RNFT2: variants seen among roughly 807,000 people sequenced by gnomAD.
The protein encoded by RNFT2 is E3 ubiquitin-protein ligase RNFT2.
In RNFT2, 36 loss-of-function variants were observed where a neutral mutation model predicts 53.0. The observed-to-expected ratio is 0.68, with a 90% CI of 0.52 to 0.90. The LOEUF is 0.90. Among genes scored for constraint, RNFT2 ranks in the 40% least tolerant of loss-of-function variants. The pLI, the probability that RNFT2 is intolerant of heterozygous loss-of-function variation, is 0.00. For missense variants in RNFT2, 514 were observed against 585.6 expected (o/e 0.88, Z 1.26); for synonymous variants, 260 against 253.2 (o/e 1.03, Z -0.26).
intron 3 of RNFT2, chr12:116,748,807 G>A: frequency 3.4e-6 from 1 of 298,278 alleles, no homozygotes; most frequent in Non-Finnish European, 6.9e-6. Flanking sequence ...TTACTAAAGT[G>A]GGCTCTAGAG....
intron 1 of RNFT2, among the ~76,000 whole-genome samples, chr12:116,739,351 T>C (rs903654653): frequency 2.0e-5 from 3 of 152,180 alleles, no homozygotes; most frequent in African/African-American, 7.2e-5. Context: ...TAAATACTTG[T>C]TGAGCGCCAC....
Position 116,749,963 on chromosome 12 carries a change from C to T in RNFT2, c.206C>T (p.Thr69Ile). ...TCGGGCTTATCAGGCAGCCTCCCCA[C>T]CAGCTCGTTCCCCTCCAGCCTGGTG... ...LFSGLSGSLP[T>I]SSFPSSLVLG... The change falls in exon 4 of 11, where the codon ACC becomes ATC. Residue 69 changes from threonine (T) to isoleucine (I), a missense_variant. Physicochemically the swap from Thr to Ile is moderately conservative, Grantham distance 89. Around this residue, in one of 3 missense-constraint regions of RNFT2, gnomAD observed 237 missense variants for 235.1 expected, o/e 1.01. Transcript: ENST00000257575. 6.4e-7 allele frequency: 1 copy of T among 1,563,380 alleles called. No individual in the cohort carries two copies. The highest frequency in any genetic ancestry group is 8.7e-7 in the Non-Finnish European group (1 of 1,153,680).
At position 116,852,418 on chromosome 12, in the gene RNFT2, A is replaced by G. The variant is rs1565879226; in HGVS notation, c.*2970A>G. 4 of 1,369,678 alleles carry G rather than the reference A, an allele frequency of 2.9e-6. No homozygotes were observed. The highest frequency in any genetic ancestry group is 1.6e-5 in the South Asian group (1 of 61,988). 84.8% of individuals were successfully genotyped at this position (1,369,678 alleles called of 1,614,324 possible). Reference sequence around the variant, plus strand: ...CATCCCTGGCTCTCTCCTGGTACCCAGCAAGACGTCTGTTCCAGGGCAGTG... The same window carrying G: ...CATCCCTGGCTCTCTCCTGGTACCCGGCAAGACGTCTGTTCCAGGGCAGTG... On this transcript the variant is annotated 3_prime_UTR_variant, in exon 11 of 11. Coordinates refer to ENST00000257575, the MANE Select transcript of RNFT2 (RefSeq NM_001382266.1).
chr12:116,824,484 G>T (rs1178672557), intron 7 of RNFT2, among the ~76,000 whole-genome samples: 1 of 152,136 alleles, frequency 6.6e-6, no homozygotes, highest in Non-Finnish European at 1.5e-5. Context: ...CCCGAGCCTG[G>T]GAGTATGACA....
chr12:116,750,168 C>T lies in RNFT2; in HGVS notation c.411C>T (p.His137=), dbSNP rs776451024. The part of the protein sequence containing the change: ...LQHVGGDHRG[H]SEEGGDEQPG... ...ACGTGGGTGGGGACCACCGGGGGCA[C>T]TCGGAGGAGGGAGGCGACGAGCAGC... Residue 137 remains histidine, a synonymous_variant, in exon 4 of 11, where the codon CAC becomes CAT. Coordinates refer to ENST00000257575, the MANE Select transcript of RNFT2 (RefSeq NM_001382266.1). The T allele has an allele frequency of 1.9e-6, 3 of 1,593,606 alleles. No individual in the cohort carries two copies. In the East Asian group the frequency reaches 6.8e-5, roughly 36 times the overall value.
At chr12:116,800,346 A>T (rs538187382) in intron 7 of RNFT2, among the ~76,000 whole-genome samples, 1 of 151,766 alleles carries the variant, frequency 6.6e-6, no homozygotes, top group African/African-American at 2.4e-5. Context: ...AAAATACAAA[A>T]AATTGGCCGG....
At chr12:116,813,165 T>C (rs1875472127) in intron 7 of RNFT2, among the ~76,000 whole-genome samples, 1 of 151,854 alleles carries the variant, frequency 6.6e-6, no homozygotes, top group African/African-American at 2.4e-5. Flanking sequence ...TGCCATGTTA[T>C]CCAGGTTGGC....
intron 7 of RNFT2, among the ~76,000 whole-genome samples, chr12:116,806,397 T>TATATATATATAG (rs1166246066): frequency 6.8e-5 from 9 of 131,650 alleles, no homozygotes; most frequent in Non-Finnish European, 1.5e-5. Flanking sequence ...TATATATATA[T>TATATATATATAG]ATAGATAGAT....
At chr12:116,815,443 G>A (rs546955783) in intron 7 of RNFT2, among the ~76,000 whole-genome samples, 12 of 152,216 alleles carry the variant, frequency 7.9e-5, no homozygotes, top group African/African-American at 1.2e-4. Context: ...GGGAGGCTCC[G>A]GGGGACAATC....
Position 116,831,994 on chromosome 12 carries a change from G to C in RNFT2, c.883-1798G>C, listed in dbSNP as rs868567709. Among the ~76,000 whole-genome samples, 7 of 151,366 alleles carry C rather than the reference G, an allele frequency of 4.6e-5. No individual in the cohort carries two copies. In the South Asian group the frequency reaches 1.3e-3, roughly 27 times the overall value. On this transcript the variant is annotated intron_variant, in intron 7 of 10. Transcript: ENST00000257575. ...AAATACAAAAAAATTAGCCAGGCGT[G>C]GTGGTGTGTACCCGTGATCCCATTT...
intron 7 of RNFT2, among the ~76,000 whole-genome samples, chr12:116,796,908 A>C (rs1177481786): frequency 6.6e-6 from 1 of 152,200 alleles, no homozygotes; most frequent in African/African-American, 2.4e-5. Flanking sequence ...GAAGAAGGTT[A>C]AGTAGTGATT....
At chr12:116,848,244 C>T (rs1208337376) in intron 10 of RNFT2, among the ~76,000 whole-genome samples, 4 of 152,186 alleles carry the variant, frequency 2.6e-5, no homozygotes, top group Non-Finnish European at 5.9e-5. Flanking sequence ...TCCAGTCTAT[C>T]ATTGATAAGC....
At chr12:116,768,124 A>C (rs940791593) in intron 6 of RNFT2, among the ~76,000 whole-genome samples, 2 of 117,296 alleles carry the variant, frequency 1.7e-5, no homozygotes, top group African/African-American at 3.5e-5. Flanking sequence ...TTGGAGATGG[A>C]GTTTCACTCT....
chr12:116,754,112 C>T, intron 5 of RNFT2, 52 bp downstream of exon 5: 1 of 1,438,952 alleles, frequency 6.9e-7, no homozygotes, highest in Admixed American at 1.7e-5. Context: ...AAATAAGCCA[C>T]AAGCCAGGCA....
At chr12:116,740,669 T>A in intron 2 of RNFT2, 148 bp downstream of exon 2, 1 of 748,674 alleles carries the variant, frequency 1.3e-6, no homozygotes, top group Non-Finnish European at 2.3e-6. Context: ...TTGTCTAGGG[T>A]CACAGCAAGT....
At position 116,766,538 on chromosome 12, in the gene RNFT2, T is replaced by C. The variant is rs1872920353; in HGVS notation, c.628-276T>C. 1.3e-5 allele frequency among the ~76,000 whole-genome samples: 2 copies of C among 152,240 alleles called. 1 individual carries two copies. The highest frequency in any genetic ancestry group is 2.9e-5 in the Non-Finnish European group (2 of 68,048). On this transcript the variant is annotated intron_variant, in intron 5 of 10. Coordinates refer to ENST00000257575, the MANE Select transcript of RNFT2 (RefSeq NM_001382266.1). ...CACAGGATTTGACCAGGGATTTGAA[T>C]GTGTGCCATGCTGCTCTGGAGTCTG... is the stretch of plus-strand genomic sequence containing the variant.
chr12:116,851,835 C>A lies in RNFT2; in HGVS notation c.*2387C>A. The A allele has an allele frequency of 1.5e-6, 2 of 1,358,596 alleles. No individual in the cohort carries two copies. Among genetic ancestry groups the A allele is most frequent in the Non-Finnish European group, 2.0e-6 (2 of 984,628 alleles). 84.2% of individuals were successfully genotyped at this position (1,358,596 alleles called of 1,614,324 possible). A position where few individuals can be genotyped will look rare whatever the true frequency, so the allele number is the denominator to read the frequency against. The stretch of plus-strand genomic sequence containing the variant: ...CAGCTTTGGCCCAGATGTGGTTACC[C>A]CTTGGTCTCCTGTCTTTATGTCTTT... On this transcript the variant is annotated 3_prime_UTR_variant, in exon 11 of 11. Transcript: ENST00000257575.
At position 116,837,628 on chromosome 12, in the gene RNFT2, A is replaced by G. The variant is rs117865006; in HGVS notation, c.1200+1346A>G. Among the ~76,000 whole-genome samples, 1,130 of 152,310 alleles carry G rather than the reference A, an allele frequency of 7.4e-3. 10 individuals are homozygous for G. Among genetic ancestry groups the G allele is most frequent in the South Asian group, 0.026 (127 of 4,824 alleles). On this transcript the variant is annotated intron_variant, in intron 10 of 10. Transcript: ENST00000257575. ...GGATAATATATTTGCATGAATCAAC[A>G]TTCAAAAAGAAGACTAAAGAGACAT...
At chr12:116,777,812 T>G (rs1463144921) in intron 6 of RNFT2, among the ~76,000 whole-genome samples, 1 of 152,160 alleles carries the variant, frequency 6.6e-6, no homozygotes, top group Non-Finnish European at 1.5e-5. Context: ...GAGATAACTT[T>G]ATTTGCCCAG....
Sources: allele counts gnomAD v4.1 joint callset (sites outside exome capture counted in the v4.1 genomes callset), GRCh38; gene constraint gnomAD v4.1.1; regional missense constraint gnomAD v4.1.1; transcripts MANE v1.5; gene names NCBI Gene and HGNC (gene_info 2026-07-23, HGNC 2026-07-21).